The following CLASP2 variants were observed in gnomAD, a reference collection of about 807,000 sequenced individuals.
CLASP2 encodes the protein CLIP-associating protein 2.
In CLASP2, 47 loss-of-function variants were observed where a neutral mutation model predicts 194.4. That is an observed-to-expected ratio of 0.24 (90% CI 0.19 to 0.31). CLASP2 has a LOEUF of 0.31. CLASP2 is among the 10% of genes least tolerant of loss of function. The pLI is 1.00. For synonymous variants in CLASP2, 619 were observed against 633.5 expected (o/e 0.98, Z 0.34); for missense variants, 1,445 against 1,823.6 (o/e 0.79, Z 3.78).
intron 6 of CLASP2, among the ~76,000 whole-genome samples, chr3:33,664,742 C>G (rs1054848311): frequency 6.6e-6 from 1 of 152,110 alleles, no homozygotes; most frequent in African/African-American, 2.4e-5. Flanking sequence ...AGACACCAAG[C>G]AGGTTGCCCA....
intron 37 of CLASP2, among the ~76,000 whole-genome samples, chr3:33,508,010 T>C (rs1445931417): frequency 6.6e-6 from 1 of 151,074 alleles, no homozygotes; most frequent in African/African-American, 2.4e-5. Flanking sequence ...TATATATTTT[T>C]TGGAGACAGG....
intron 37 of CLASP2, 132 bp from the exon 38 acceptor site, chr3:33,501,900 T>C (rs1024788188): frequency 4.3e-5 from 27 of 626,820 alleles, no homozygotes; most frequent in Middle Eastern, 2.6e-4. Context: ...CAGATCAAAG[T>C]TAACTTTTTA....
chr3:33,686,955 T>A, intron 5 of CLASP2, 105 bp downstream of exon 5: 1 of 619,906 alleles, frequency 1.6e-6, no homozygotes, highest in Non-Finnish European at 2.7e-6. Flanking sequence ...GATTTCAGCA[T>A]CCCCCTCCAC....
At chr3:33,693,629 G>A (rs1039389471) in intron 2 of CLASP2, among the ~76,000 whole-genome samples, 1 of 152,096 alleles carries the variant, frequency 6.6e-6, no homozygotes, top group Non-Finnish European at 1.5e-5. Flanking sequence ...AGTAGTAAAA[G>A]GGTAAAAGGT....
intron 16 of CLASP2, among the ~76,000 whole-genome samples, chr3:33,605,554 CT>C (rs915529125): frequency 6.6e-6 from 1 of 152,152 alleles, no homozygotes; most frequent in Non-Finnish European, 1.5e-5. Flanking sequence ...GGTCCCAGTT[CT>C]GCATCAGAGT....
At chr3:33,632,524 C>G (rs1421309293) in intron 8 of CLASP2, 153 bp from the exon 9 acceptor site, 1 of 631,472 alleles carries the variant, frequency 1.6e-6, no homozygotes, top group East Asian at 2.9e-5. Flanking sequence ...AAATCTCCAA[C>G]TTTCAGAAAG....
intron 29 of CLASP2, among the ~76,000 whole-genome samples, chr3:33,552,553 A>G (rs1238759375): frequency 6.6e-6 from 1 of 152,008 alleles, no homozygotes; most frequent in Non-Finnish European, 1.5e-5. Context: ...AACACTTAAA[A>G]TCTATTCTCT....
rs561797774 is a variant in CLASP2, at chr3:33,549,765, G to A, written c.3153+1487C>T. Among the ~76,000 whole-genome samples the A allele has an allele frequency of 6.0e-5, 9 of 149,740 alleles. No individual in the cohort carries two copies. In the Admixed American group the frequency reaches 6.0e-4, roughly 10 times the overall value. On this transcript the variant is annotated intron_variant, in intron 30 of 38. Transcript: ENST00000682230. ...TTCTTTTTTTTTTTTTTAAGATAAG[G>A]TCTCACTCTGTCACCCAGGCTGGAG... is the stretch of plus-strand genomic sequence containing the variant.
At chr3:33,682,651 A>G (rs1178183142) in intron 6 of CLASP2, among the ~76,000 whole-genome samples, 1 of 152,226 alleles carries the variant, frequency 6.6e-6, no homozygotes, top group Non-Finnish European at 1.5e-5. Flanking sequence ...CCATTGAAAA[A>G]TATTTTCTGA....
chr3:33,690,841 A>G (rs1312262732), intron 2 of CLASP2, among the ~76,000 whole-genome samples: 1 of 152,120 alleles, frequency 6.6e-6, no homozygotes, highest in Non-Finnish European at 1.5e-5. Context: ...TGGTTATCAG[A>G]TCAAAAACAC....
intron 18 of CLASP2, among the ~76,000 whole-genome samples, chr3:33,600,288 G>T (rs1179620660): frequency 3.3e-5 from 5 of 152,066 alleles, no homozygotes; most frequent in Non-Finnish European, 7.4e-5. Context: ...TTCTCGTCTT[G>T]TTACTGATCT....
chr3:33,706,896 T>G (rs1054417114), intron 1 of CLASP2, among the ~76,000 whole-genome samples: 3 of 152,050 alleles, frequency 2.0e-5, no homozygotes, highest in Non-Finnish European at 4.4e-5. Flanking sequence ...GCCCAGGAGG[T>G]TGAGGCTGCA....
Position 33,551,412 on chromosome 3 carries a change from A to G in CLASP2, c.3010-17T>C. On this transcript the variant is annotated splice_polypyrimidine_tract_variant and intron_variant, in intron 29 of 38. Transcript: ENST00000682230. ...AACCTTCACCTGCAGAGGAAAGCAC[A>G]AAGAGAAAGGACAGAAAGATGGTTA... The G allele has an allele frequency of 1.2e-6, 2 of 1,608,422 alleles. No individual in the cohort carries two copies. The highest frequency in any genetic ancestry group is 2.2e-5 in the East Asian group (1 of 44,764).
At chr3:33,699,872 C>CAAAAAAA (rs34347002) in intron 1 of CLASP2, among the ~76,000 whole-genome samples, 2 of 93,930 alleles carry the variant, frequency 2.1e-5, no homozygotes, top group African/African-American at 3.7e-5. Context: ...ATTGTACTAC[C>CAAAAAAA]AAAAAAAAAA....
In CLASP2 at chr3:33,498,514, T is replaced by G. The variant is rs569871509; in HGVS notation, c.*117A>C. 18 of 627,566 alleles carry G rather than the reference T, an allele frequency of 2.9e-5. No homozygotes were observed. The East Asian group carries it at 5.0e-4, about 17-fold the overall frequency. 38.9% of individuals were successfully genotyped at this position (627,566 alleles called of 1,614,324 possible). On this transcript the variant is annotated 3_prime_UTR_variant, in exon 39 of 39. Transcript: ENST00000682230. ...TACAAAACGAAACGAAACAAAAAAC[T>G]AAAACTGGGAAACAATAGTAAGTTC...
intron 29 of CLASP2, among the ~76,000 whole-genome samples, chr3:33,552,374 C>G (rs1166298382): frequency 6.6e-6 from 1 of 152,124 alleles, no homozygotes; most frequent in Non-Finnish European, 1.5e-5. Context: ...GCCTCAGTCT[C>G]CCGAAGTGCT....
chr3:33,635,192 A>T (rs1195244062), intron 8 of CLASP2, among the ~76,000 whole-genome samples: 1 of 151,870 alleles, frequency 6.6e-6, no homozygotes. Context: ...CCTGGGAGGC[A>T]GAGGTTGCAG....
intron 21 of CLASP2, among the ~76,000 whole-genome samples, chr3:33,589,396 T>C (rs559388893): frequency 6.6e-6 from 1 of 152,224 alleles, no homozygotes; most frequent in African/African-American, 2.4e-5. Flanking sequence ...GATACAAAGA[T>C]ATGGTAAGAC....
intron 12 of CLASP2, among the ~76,000 whole-genome samples, chr3:33,619,353 T>C (rs1303782981): frequency 6.6e-6 from 1 of 152,218 alleles, no homozygotes; most frequent in African/African-American, 2.4e-5. Context: ...CATATGTACA[T>C]GTATGTATGT....
Sources: allele counts gnomAD v4.1 joint callset (sites outside exome capture counted in the v4.1 genomes callset), GRCh38; gene constraint gnomAD v4.1.1; transcripts MANE v1.5; gene names NCBI Gene and HGNC (gene_info 2026-07-23, HGNC 2026-07-21).